Variants in ASTN1 observed in about 807,000 individuals in gnomAD.
ASTN1 encodes astrotactin 1, also known as astrotactin-1.
A neutral mutation model predicts 140.7 loss-of-function variants in ASTN1; 41 were observed. The ratio of observed to expected loss-of-function variants is 0.29; its 90% CI spans 0.23 to 0.38. The LOEUF is 0.38. ASTN1 is among the 10% of genes least tolerant of loss of function. The probability of loss-of-function intolerance (pLI) is 1.00; values close to 1 mark genes in which losing one functional copy is unlikely to be tolerated. For missense variants in ASTN1, 1,479 were observed against 1,678.8 expected (o/e 0.88, Z 2.08); for synonymous variants, 640 against 652.2 (o/e 0.98, Z 0.29).
chr1:177,014,775 T>C lies in ASTN1; in HGVS notation c.1523+16A>G. 1 of 1,607,472 alleles carries C rather than the reference T, an allele frequency of 6.2e-7. No individual in the cohort carries two copies. The highest frequency in any genetic ancestry group is 1.7e-5 in the Admixed American group (1 of 59,980). ...TGATATGTGGGAACCAGCTAAGTCG[T>C]CATGCCCTCACTTACCCCTGGTTTG... On this transcript the variant is annotated intron_variant, in intron 8 of 22. Coordinates refer to ENST00000361833, the MANE Select transcript of ASTN1 (RefSeq NM_004319.3).
At chr1:177,160,863 T>A (rs1162287633) in intron 1 of ASTN1, among the ~76,000 whole-genome samples, 1 of 152,188 alleles carries the variant, frequency 6.6e-6, no homozygotes, top group Non-Finnish European at 1.5e-5. Flanking sequence ...GGGGTTTAGG[T>A]TTAGATTACA....
chr1:177,068,687 G>A (rs1678481618), intron 1 of ASTN1, among the ~76,000 whole-genome samples: 1 of 152,108 alleles, frequency 6.6e-6, no homozygotes, highest in African/African-American at 2.4e-5. Flanking sequence ...ATGACACTTG[G>A]CTCTAGTTAG....
chr1:177,158,483 C>T (rs1193863628), intron 1 of ASTN1, among the ~76,000 whole-genome samples: 1 of 152,092 alleles, frequency 6.6e-6, no homozygotes, highest in Admixed American at 6.6e-5. Context: ...TAACAGAGCT[C>T]TTTTTGCCAT....
At chr1:177,024,824 G>A in intron 5 of ASTN1, 92 bp from the exon 6 acceptor site, 1 of 1,437,266 alleles carries the variant, frequency 7.0e-7, no homozygotes, top group Non-Finnish European at 9.6e-7. Context: ...TGGCAAACAG[G>A]GGAGACAGTT....
intron 1 of ASTN1, among the ~76,000 whole-genome samples, chr1:177,148,874 T>C (rs1682841327): frequency 1.3e-5 from 2 of 151,590 alleles, no homozygotes; most frequent in South Asian, 4.2e-4. Flanking sequence ...ATGGGGAGAC[T>C]GATAGGATGC....
At chr1:177,062,827 C>A (rs1340642244) in intron 1 of ASTN1, among the ~76,000 whole-genome samples, 1 of 152,168 alleles carries the variant, frequency 6.6e-6, no homozygotes, top group Non-Finnish European at 1.5e-5. Flanking sequence ...TATGCACAGG[C>A]ACTGTCCCAG....
chr1:176,908,994 C>T (rs1487267270), intron 16 of ASTN1, among the ~76,000 whole-genome samples: 2 of 152,256 alleles, frequency 1.3e-5, no homozygotes, highest in South Asian at 2.1e-4. Context: ...AATAAAGGGG[C>T]CAGAAGTCTC....
At chr1:177,040,257 C>T (rs1268095315) in intron 2 of ASTN1, among the ~76,000 whole-genome samples, 1 of 152,188 alleles carries the variant, frequency 6.6e-6, no homozygotes, top group Non-Finnish European at 1.5e-5. Flanking sequence ...AGTCTTTAAT[C>T]GTGTGGAAAG....
intron 8 of ASTN1, among the ~76,000 whole-genome samples, chr1:176,972,649 C>T (rs1673188458): frequency 6.6e-6 from 1 of 152,032 alleles, no homozygotes; most frequent in Non-Finnish European, 1.5e-5. Context: ...CAGCTGTGAG[C>T]CACCATGCTT....
intron 1 of ASTN1, among the ~76,000 whole-genome samples, chr1:177,122,581 C>T (rs918729035): frequency 1.7e-4 from 26 of 152,288 alleles, no homozygotes; most frequent in Middle Eastern, 3.4e-3. Flanking sequence ...CTACACTCAG[C>T]TCAGACTCCT....
intron 8 of ASTN1, among the ~76,000 whole-genome samples, chr1:177,013,200 T>A (rs1461215821): frequency 6.6e-6 from 1 of 152,180 alleles, no homozygotes; most frequent in Non-Finnish European, 1.5e-5. Flanking sequence ...CTCTGTGATA[T>A]GATCTCAAAT....
chr1:177,098,709 G>A (rs1026520336), intron 1 of ASTN1, among the ~76,000 whole-genome samples: 5 of 152,122 alleles, frequency 3.3e-5, no homozygotes, highest in African/African-American at 1.2e-4. Flanking sequence ...AAAAAATATC[G>A]GTTATGATCT....
Position 177,062,776 on chromosome 1 carries a change from G to A in ASTN1, c.284-1511C>T, listed in dbSNP as rs571477883. Among the ~76,000 whole-genome samples the A allele has an allele frequency of 5.3e-5, 8 of 152,130 alleles. No individual in the cohort carries two copies. In the South Asian group the frequency reaches 1.2e-3, roughly 24 times the overall value. ...GCACAACTGATGTTATTTATTTATC[G>A]ATTGGTTTGTTTATTCAACAGGCAT... On this transcript the variant is annotated intron_variant, in intron 1 of 22. Transcript: ENST00000361833.
At chr1:176,907,700 T>C (rs996555784) in intron 16 of ASTN1, among the ~76,000 whole-genome samples, 1 of 152,122 alleles carries the variant, frequency 6.6e-6, no homozygotes, top group African/African-American at 2.4e-5. Context: ...AACACCCCTG[T>C]AGACAGCCCC....
At chr1:177,089,030 C>T (rs1679611746) in intron 1 of ASTN1, among the ~76,000 whole-genome samples, 1 of 152,180 alleles carries the variant, frequency 6.6e-6, no homozygotes, top group African/African-American at 2.4e-5. Flanking sequence ...CAGCACACTC[C>T]TCCCCTTTAT....
chr1:177,059,117 A>C (rs1029393929), intron 2 of ASTN1, among the ~76,000 whole-genome samples: 1 of 152,050 alleles, frequency 6.6e-6, no homozygotes, highest in African/African-American at 2.4e-5. Flanking sequence ...TACCTTAAAC[A>C]TTTTCATCAG....
intron 5 of ASTN1, among the ~76,000 whole-genome samples, chr1:177,027,182 C>T (rs1676159983): frequency 6.6e-6 from 1 of 152,154 alleles, no homozygotes; most frequent in African/African-American, 2.4e-5. Flanking sequence ...CTCTTCAAGT[C>T]TCAGCTCAAA....
rs752511950 is a variant in ASTN1, at chr1:177,024,596, G to A, written c.1257C>T (p.His419=). Residue 419 remains histidine (H), a synonymous_variant, in exon 6 of 23, where the codon CAC becomes CAT. Transcript: ENST00000361833. ...GAACAGGCTCACCATCAGCAATCAG[G>A]TGCTCAGGGACATGCAGGGTGATCT... The part of the protein sequence containing the change: ...VVKITLHVPE[H]LIADGSRFIL... 11 of 1,613,960 alleles carry A rather than the reference G, an allele frequency of 6.8e-6. No homozygotes were observed. In the East Asian group the frequency reaches 2.2e-4, roughly 33 times the overall value.
chr1:176,885,608 T>A (rs1669002611), intron 18 of ASTN1, among the ~76,000 whole-genome samples: 1 of 152,086 alleles, frequency 6.6e-6, no homozygotes, highest in Admixed American at 6.6e-5. Flanking sequence ...TTTCTCTGCT[T>A]GGCTCACAGG....
Sources: allele counts gnomAD v4.1 joint callset (sites outside exome capture counted in the v4.1 genomes callset), GRCh38; gene constraint gnomAD v4.1.1; transcripts MANE v1.5; gene names NCBI Gene and HGNC (gene_info 2026-07-23, HGNC 2026-07-21).